Variants in TBC1D30 observed in about 807,000 individuals in gnomAD.
TBC1D30 encodes TBC1 domain family, member 30.
TBC1D30 carries 31 observed loss-of-function variants against 63.2 expected under a neutral mutation model. The observed-to-expected ratio is 0.49, with a 90% CI of 0.37 to 0.66. TBC1D30 has a LOEUF of 0.66. TBC1D30 is among the 30% of genes least tolerant of loss of function. The pLI is 0.00. For missense variants in TBC1D30, 810 were observed against 953.6 expected (o/e 0.85, Z 1.98); for synonymous variants, 307 against 361.5 (o/e 0.85, Z 1.71).
At chr12:64,810,179 C>T (rs888076855) in intron 2 of TBC1D30, among the ~76,000 whole-genome samples, 4 of 152,168 alleles carry the variant, frequency 2.6e-5, no homozygotes, top group Non-Finnish European at 5.9e-5. Flanking sequence ...CAACCAATAG[C>T]AAAATATAGC....
In TBC1D30 at chr12:64,788,638, C is replaced by T. The variant is rs533222468; in HGVS notation, c.643+2593C>T. ...CATTTTAGAAAAATGTGCCCACAAGCGCTCACCGTAATTCATGAATTTGTC... is the reference window on the plus strand; with the variant it reads ...CATTTTAGAAAAATGTGCCCACAAGTGCTCACCGTAATTCATGAATTTGTC... On this transcript the variant is annotated intron_variant, in intron 2 of 12. Transcript: ENST00000542120. Among the ~76,000 whole-genome samples the T allele has an allele frequency of 7.2e-5, 11 of 152,186 alleles. 1 individual carries two copies. The South Asian group carries it at 1.0e-3, about 14-fold the overall frequency.
At chr12:64,857,904 A>G (rs1267725857) in intron 8 of TBC1D30, among the ~76,000 whole-genome samples, 1 of 152,112 alleles carries the variant, frequency 6.6e-6, no homozygotes, top group African/African-American at 2.4e-5. Context: ...AAAGTCCTCT[A>G]GTCACTGCAC....
At chr12:64,823,433 A>C (rs1874015185), upstream of TBC1D30, among the ~76,000 whole-genome samples, 1 of 152,108 alleles carries the variant, frequency 6.6e-6, no homozygotes, top group Admixed American at 6.5e-5. Flanking sequence ...ATTAATTTTC[A>C]ATTGTTAGGG....
chr12:64,840,349 T>C (rs1875762608), intron 7 of TBC1D30, among the ~76,000 whole-genome samples: 1 of 152,206 alleles, frequency 6.6e-6, no homozygotes, highest in Non-Finnish European at 1.5e-5. Flanking sequence ...TACTGTATGA[T>C]GAGTCAGTTA....
intron 1 of TBC1D30, among the ~76,000 whole-genome samples, chr12:64,784,198 G>A (rs1268383652): frequency 1.3e-5 from 2 of 151,946 alleles, no homozygotes; most frequent in East Asian, 3.9e-4. Flanking sequence ...TTATGTTAGT[G>A]TTTATAAAGA....
chr12:64,827,713 G>T (rs1039950177), intron 1 of TBC1D30, 122 bp from the exon 2 acceptor site: 3 of 686,818 alleles, frequency 4.4e-6, no homozygotes, highest in Admixed American at 3.2e-5. Context: ...CTAAAATTTA[G>T]TAAAGATACA....
At chr12:64,810,426 A>T (rs1371448250) in intron 2 of TBC1D30, among the ~76,000 whole-genome samples, 17 of 152,114 alleles carry the variant, frequency 1.1e-4, no homozygotes, top group Non-Finnish European at 2.9e-5. Flanking sequence ...AACATGGCAA[A>T]ACCCCGTCTC....
In TBC1D30 at chr12:64,878,498, G is replaced by C. The variant is rs1304299436; in HGVS notation, c.*2710G>C. On this transcript the variant is annotated 3_prime_UTR_variant, in exon 12 of 12. Transcript: ENST00000539867. ...GTTCCTCTTACAAAAGCCTCCAGATGATCTAAATCTAGTTAGCAATGTCAG... is the reference window on the plus strand; with the variant it reads ...GTTCCTCTTACAAAAGCCTCCAGATCATCTAAATCTAGTTAGCAATGTCAG... The C allele has an allele frequency of 4.4e-6, 2 of 456,594 alleles. No individual in the cohort carries two copies. Among genetic ancestry groups the C allele is most frequent in the Admixed American group, 2.3e-5 (1 of 42,568 alleles). The allele number at this position is 456,594 out of a possible 1,614,324, so 28.3% of individuals were successfully genotyped here.
At chr12:64,795,811 T>TG (rs904005439) in intron 2 of TBC1D30, among the ~76,000 whole-genome samples, 7 of 151,294 alleles carry the variant, frequency 4.6e-5, no homozygotes, top group Non-Finnish European at 7.4e-5. Flanking sequence ...GTTAGATGCT[T>TG]TTTTTTTTCA....
intron 1 of TBC1D30, among the ~76,000 whole-genome samples, chr12:64,760,713 A>G (rs1372243107): frequency 6.6e-6 from 1 of 151,496 alleles, no homozygotes; most frequent in African/African-American, 2.5e-5. Flanking sequence ...AACTCGTGAA[A>G]ACTATTCCAG....
rs1356482531 is a variant in TBC1D30, at chr12:64,876,094, T to C, written c.*306T>C. On this transcript the variant is annotated 3_prime_UTR_variant, in exon 12 of 12. Coordinates refer to ENST00000539867, the MANE Select transcript of TBC1D30 (RefSeq NM_015279.2). Reference sequence around the variant, plus strand: ...AAAAGACTATATCTAGATTGTTAACTCTCGTCCATCCTTCTGTTCTGGGGG... The same window carrying C: ...AAAAGACTATATCTAGATTGTTAACCCTCGTCCATCCTTCTGTTCTGGGGG... The C allele has an allele frequency of 7.4e-6, 2 of 269,998 alleles. No homozygotes were observed. Among genetic ancestry groups the C allele is most frequent in the Non-Finnish European group, 1.4e-5 (2 of 143,768 alleles). 16.7% of individuals were successfully genotyped at this position (269,998 alleles called of 1,614,324 possible).
rs566581994 is a variant in TBC1D30 at position 64,874,909 on chromosome 12, C to T, written c.1499-92C>T. The T allele has an allele frequency of 8.1e-5, 98 of 1,214,872 alleles. 1 individual carries two copies. Among genetic ancestry groups the T allele is most frequent in the South Asian group, 8.0e-4 (52 of 65,144 alleles). The allele number at this position is 1,214,872 out of a possible 1,614,324, so 75.3% of individuals were successfully genotyped here. ...AACACATGGGAAGGGATGTGGTAGACGGGGCTGGGAGGACCTCTAAGTGAT... is the reference window on the plus strand; with the variant it reads ...AACACATGGGAAGGGATGTGGTAGATGGGGCTGGGAGGACCTCTAAGTGAT... On this transcript the variant is annotated intron_variant, in intron 11 of 11. Transcript: ENST00000539867.
chr12:64,764,989 G>A (rs1444231999), intron 1 of TBC1D30, among the ~76,000 whole-genome samples: 2 of 152,168 alleles, frequency 1.3e-5, no homozygotes, highest in South Asian at 2.1e-4. Context: ...TGGAAAGGTC[G>A]TGCCCTAATA....
upstream of TBC1D30, among the ~76,000 whole-genome samples, chr12:64,780,025 A>G (rs1268644039): frequency 1.3e-5 from 2 of 152,196 alleles, no homozygotes; most frequent in Non-Finnish European, 2.9e-5. Flanking sequence ...TTTTGATTCT[A>G]CCATCATCAA....
intron 2 of TBC1D30, among the ~76,000 whole-genome samples, chr12:64,814,716 G>A (rs896905257): frequency 6.6e-6 from 1 of 152,212 alleles, no homozygotes; most frequent in Non-Finnish European, 1.5e-5. Context: ...TTAAGTACAT[G>A]AGTATAATAG....
chr12:64,777,340 G>T (rs548052960), upstream of TBC1D30, among the ~76,000 whole-genome samples: 8 of 152,250 alleles, frequency 5.3e-5, no homozygotes, highest in Admixed American at 1.3e-4. Context: ...AGATGATATG[G>T]TCCTATATCT....
chr12:64,843,372 T>A lies in TBC1D30; in HGVS notation c.933-8T>A. 3.3e-6 allele frequency: 5 copies of A among 1,535,764 alleles called. No individual in the cohort carries two copies. The highest frequency in any genetic ancestry group is 4.4e-6 in the Non-Finnish European group (5 of 1,146,408). ...ACAAGTTGTATTTTCTGTCCTTTCT[T>A]TATCTAGGCAGATAGAATGTTGTGA... On this transcript the variant is annotated splice_polypyrimidine_tract_variant and splice_region_variant and intron_variant, in intron 7 of 11. Transcript: ENST00000539867.
chr12:64,782,138 C>CT (rs1463881462), intron 1 of TBC1D30, among the ~76,000 whole-genome samples: 1 of 150,982 alleles, frequency 6.6e-6, no homozygotes, highest in African/African-American at 2.4e-5. Context: ...TTAGAGTTGT[C>CT]TTTTTTGGTA....
chr12:64,772,910 G>A (rs1870957648), intron 1 of TBC1D30, among the ~76,000 whole-genome samples: 1 of 152,166 alleles, frequency 6.6e-6, no homozygotes, highest in Admixed American at 6.5e-5. Flanking sequence ...GCAAAGGAAA[G>A]GTTATACTCT....
Sources: allele counts gnomAD v4.1 joint callset (sites outside exome capture counted in the v4.1 genomes callset), GRCh38; gene constraint gnomAD v4.1.1; transcripts MANE v1.5; gene names NCBI Gene and HGNC (gene_info 2026-07-23, HGNC 2026-07-21).